GSX2: variants seen among roughly 807,000 people sequenced by gnomAD.
The protein encoded by GSX2 is GS homeobox 2, also known as genetic-screened homeobox 2.
A neutral mutation model predicts 19.2 loss-of-function variants in GSX2; 16 were observed. The observed-to-expected ratio is 0.84, with a 90% CI of 0.57 to 1.27. The LOEUF is 1.27. GSX2 is among the 50% of genes most tolerant of loss of function. The probability of loss-of-function intolerance (pLI) is 0.00; values close to 1 mark genes in which losing one functional copy is unlikely to be tolerated. For synonymous variants in GSX2, 217 were observed against 196.4 expected (o/e 1.10, Z -0.88); for missense variants, 448 against 428.4 (o/e 1.05, Z -0.40).
Position 54,100,251 on chromosome 4 carries a change from C to G in GSX2, c.-94C>G. ...CTGCGTCCCCAAGGGCTTGACTGCCCGTGTCTGCGCGGCTCCCAGGGCAGA... is the reference window on the plus strand; with the variant it reads ...CTGCGTCCCCAAGGGCTTGACTGCCGGTGTCTGCGCGGCTCCCAGGGCAGA... On this transcript the variant is annotated 5_prime_UTR_variant, in exon 1 of 2. Coordinates refer to ENST00000326902, the MANE Select transcript of GSX2 (RefSeq NM_133267.3). The G allele has an allele frequency of 3.2e-6, 5 of 1,542,472 alleles. No individual in the cohort carries two copies. Among genetic ancestry groups the G allele is most frequent in the African/African-American group, 1.4e-5 (1 of 73,332 alleles).
rs530131785 is a variant in GSX2 at position 54,101,494 on chromosome 4, G to T, written c.575-88G>T. ...ATGTTCGGCTGGGCTTCCCCGGGTGGGTCCCTGAAATGCGTCCTGGTTAGC... is the reference window on the plus strand; with the variant it reads ...ATGTTCGGCTGGGCTTCCCCGGGTGTGTCCCTGAAATGCGTCCTGGTTAGC... On this transcript the variant is annotated intron_variant, in intron 1 of 1. Coordinates refer to ENST00000326902, the MANE Select transcript of GSX2 (RefSeq NM_133267.3). This position sits in a 1 kb window ranked among gnomAD's most constrained non-coding sequence, Gnocchi z 5.0. 5.0e-6 allele frequency: 4 copies of T among 804,908 alleles called. No individual in the cohort carries two copies. In the South Asian group the frequency reaches 5.1e-5, roughly 10 times the overall value. 49.9% of individuals were successfully genotyped at this position (804,908 alleles called of 1,614,324 possible). A position where few individuals can be genotyped will look rare whatever the true frequency, so the allele number is the denominator to read the frequency against.
Position 54,100,888 on chromosome 4 carries a change from G to A in GSX2, c.544G>A (p.Asp182Asn), listed in dbSNP as rs1181905768. The change falls in exon 1 of 2, where the codon GAC becomes AAC. Residue 182 changes from aspartate (D) to asparagine (N), a missense_variant. By Grantham distance (23) the Asp-to-Asn change is conservative. Transcript: ENST00000326902. Reference sequence around the variant, plus strand: ...CACCGCCACCACCTACAACGTGGCGGACCCGCGGAGATTCCACTGCCTCAC... The same window carrying A: ...CACCGCCACCACCTACAACGTGGCGAACCCGCGGAGATTCCACTGCCTCAC... ...VCTATTYNVA[D>N]PRRFHCLTMG... is the part of the protein sequence containing the mutation. The A allele has an allele frequency of 6.4e-7, 1 of 1,572,770 alleles. No individual in the cohort carries two copies. The highest frequency in any genetic ancestry group is 8.6e-7 in the Non-Finnish European group (1 of 1,167,130).
chr4:54,100,558 T>A lies in GSX2; in HGVS notation c.214T>A (p.Ser72Thr), dbSNP rs768017023. 8.1e-6 allele frequency: 13 copies of A among 1,600,212 alleles called. No homozygotes were observed. In the East Asian group the frequency reaches 1.4e-4, roughly 17 times the overall value. ...CTGCGTCACTTCGCACCTGCACTCC[T>A]CTCGGGGGTCTGTGGGCGCCGGCAG... ...PLCVTSHLHS[S>T]RGSVGAGSGG... The change falls in exon 1 of 2, where the codon TCT becomes ACT. Residue 72 changes from serine to threonine, a missense_variant. Transcript: ENST00000326902.
rs1489040634 is a variant in GSX2, at chr4:54,101,709, A to G, written c.702A>G (p.Glu234=). Residue 234 remains glutamate (E), a synonymous_variant, in exon 2 of 2, where the codon GAA becomes GAG. Transcript: ENST00000326902. The surrounding 1 kb of genome is among the most constrained non-coding windows in gnomAD (Gnocchi z 5.0). ...NMYLSRLRRI[E]IATYLNLSEK... ...ACCTGTCTCGACTCCGGAGGATTGA[A>G]ATCGCCACTTACCTGAACCTGTCGG... The G allele has an allele frequency of 6.2e-6, 10 of 1,614,088 alleles. No homozygotes were observed. Among genetic ancestry groups the G allele is most frequent in the Non-Finnish European group, 8.5e-6 (10 of 1,180,038 alleles).
chr4:54,100,259 C>A lies in GSX2; in HGVS notation c.-86C>A. ...CCAAGGGCTTGACTGCCCGTGTCTGCGCGGCTCCCAGGGCAGAGCTTAGAA... is the reference window on the plus strand; with the variant it reads ...CCAAGGGCTTGACTGCCCGTGTCTGAGCGGCTCCCAGGGCAGAGCTTAGAA... On this transcript the variant is annotated 5_prime_UTR_variant, in exon 1 of 2. Coordinates refer to ENST00000326902, the MANE Select transcript of GSX2 (RefSeq NM_133267.3). The A allele has an allele frequency of 6.4e-7, 1 of 1,556,586 alleles. No homozygotes were observed. The highest frequency in any genetic ancestry group is 8.6e-7 in the Non-Finnish European group (1 of 1,156,712).
Position 54,102,071 on chromosome 4 carries a change from A to G in GSX2, c.*149A>G. 3.0e-6 allele frequency: 2 copies of G among 659,702 alleles called. No individual in the cohort carries two copies. Among genetic ancestry groups the G allele is most frequent in the Non-Finnish European group, 5.1e-6 (2 of 389,660 alleles). 40.9% of individuals were successfully genotyped at this position (659,702 alleles called of 1,614,324 possible). A position where few individuals can be genotyped will look rare whatever the true frequency, so the allele number is the denominator to read the frequency against. ...GAAGTTCTGGAATGGACAAGCCGGG[A>G]CCTGACCCTTCGCGTCTCCTTCTTG... On this transcript the variant is annotated 3_prime_UTR_variant, in exon 2 of 2. Coordinates refer to ENST00000326902, the MANE Select transcript of GSX2 (RefSeq NM_133267.3).
At position 54,101,437 on chromosome 4, in the gene GSX2, A is replaced by G; in HGVS notation, c.575-145A>G. ...CGTCTCTTTTCTTCCCCGCTAAGCA[A>G]CCACGTGCCTTGAAATGGGAAAGGG... On this transcript the variant is annotated intron_variant, in intron 1 of 1. Coordinates refer to ENST00000326902, the MANE Select transcript of GSX2 (RefSeq NM_133267.3). This position sits in a 1 kb window ranked among gnomAD's most constrained non-coding sequence, Gnocchi z 5.0. 1.6e-6 allele frequency: 1 copy of G among 616,188 alleles called. No homozygotes were observed. The highest frequency in any genetic ancestry group is 2.9e-6 in the Non-Finnish European group (1 of 343,670). The allele number at this position is 616,188 out of a possible 1,614,324, so 38.2% of individuals were successfully genotyped here.
In GSX2 at chr4:54,100,606, A is replaced by G. The variant is rs1312329056; in HGVS notation, c.262A>G (p.Thr88Ala). 4.5e-6 allele frequency: 7 copies of G among 1,558,078 alleles called. No homozygotes were observed. ...CAGCGGGGGCGCAGGGGCCGGGGTT[A>G]CCGGGGCCGGAGGCAGTGGGGTGGC... ...AGSGGAGAGV[T>A]GAGGSGVAGA... Residue 88 changes from threonine (T) to alanine (A), a missense_variant, in exon 1 of 2, where the codon ACC becomes GCC. Coordinates refer to ENST00000326902, the MANE Select transcript of GSX2 (RefSeq NM_133267.3).
chr4:54,100,239 GGCTT>G lies in GSX2; in HGVS notation c.-104_-101del. 1 of 1,516,060 alleles carries G rather than the reference GGCTT, an allele frequency of 6.6e-7. No homozygotes were observed. Among genetic ancestry groups the G allele is most frequent in the Non-Finnish European group, 8.9e-7 (1 of 1,129,586 alleles). The allele number at this position is 1,516,060 out of a possible 1,614,324, so 93.9% of individuals were successfully genotyped here. ...ACGCCAACACCTCTGCGTCCCCAAGGGCTTGACTGCCCGTGTCTGCGCGGCTCCC... is the reference window on the plus strand; with the variant it reads ...ACGCCAACACCTCTGCGTCCCCAAGGGACTGCCCGTGTCTGCGCGGCTCCC... On this transcript the variant is annotated 5_prime_UTR_variant, in exon 1 of 2. Transcript: ENST00000326902.
In GSX2 at chr4:54,100,752, T is replaced by C. The variant is rs1132998; in HGVS notation, c.408T>C (p.His136=). Residue 136 remains histidine, a synonymous_variant, in exon 1 of 2, where the codon CAT becomes CAC. Transcript: ENST00000326902. The stretch of plus-strand genomic sequence containing the variant: ...ACCACCACCCGCCGCAGCACCACCA[T>C]CACCATCATCAGCCCCAGCAGCCTG... The part of the protein sequence containing the change: ...HHHHHPPQHH[H]HHHQPQQPGS... 0.62 allele frequency: 949,455 copies of C among 1,542,290 alleles called. 297,211 individuals are homozygous for C. Among genetic ancestry groups the C allele is most frequent in the East Asian group, 0.83 (32,820 of 39,754 alleles).
chr4:54,100,852 G>C lies in GSX2; in HGVS notation c.508G>C (p.Ala170Pro). 1.9e-6 allele frequency: 3 copies of C among 1,551,800 alleles called. No individual in the cohort carries two copies. Among genetic ancestry groups the C allele is most frequent in the Non-Finnish European group, 1.7e-6 (2 of 1,156,730 alleles). The change falls in exon 1 of 2, where the codon GCA (alanine) becomes CCA (proline). Residue 170 changes from alanine to proline, a missense_variant. Coordinates refer to ENST00000326902, the MANE Select transcript of GSX2 (RefSeq NM_133267.3). ...AAALGHPQHH[A>P]PVCTATTYNV... ...GGCCTTGGGGCACCCGCAGCACCACGCACCTGTCTGCACCGCCACCACCTA... is the reference window on the plus strand; with the variant it reads ...GGCCTTGGGGCACCCGCAGCACCACCCACCTGTCTGCACCGCCACCACCTA...
At position 54,100,489 on chromosome 4, in the gene GSX2, G is replaced by C; in HGVS notation, c.145G>C (p.Gly49Arg). 6.2e-7 allele frequency: 1 copy of C among 1,613,678 alleles called. No individual in the cohort carries two copies. Among genetic ancestry groups the C allele is most frequent in the South Asian group, 1.1e-5 (1 of 91,054 alleles). The change falls in exon 1 of 2, where the codon GGC becomes CGC. Residue 49 changes from glycine to arginine, a missense_variant. Coordinates refer to ENST00000326902, the MANE Select transcript of GSX2 (RefSeq NM_133267.3). ...ATTGGTGATGTCCGTGTCCGGCCCC[G>C]GCTGCCCGTCCCGCAAGAGCGGCGC... The part of the protein sequence containing the change: ...PPLVMSVSGP[G>R]CPSRKSGAFC...
Position 54,101,945 on chromosome 4 carries a change from C to T in GSX2, c.*23C>T, listed in dbSNP as rs988624105. On this transcript the variant is annotated 3_prime_UTR_variant, in exon 2 of 2. Coordinates refer to ENST00000326902, the MANE Select transcript of GSX2 (RefSeq NM_133267.3). This position sits in a 1 kb window ranked among gnomAD's most constrained non-coding sequence, Gnocchi z 5.0. Reference sequence around the variant, plus strand: ...TGAGGGAGGGCCTCCTCCCTCACATCCCCCGCTCCTGGCAGACCAGGCAAC... The same window carrying T: ...TGAGGGAGGGCCTCCTCCCTCACATTCCCCGCTCCTGGCAGACCAGGCAAC... The T allele has an allele frequency of 5.2e-6, 8 of 1,529,826 alleles. No individual in the cohort carries two copies. The highest frequency in any genetic ancestry group is 2.3e-5 in the East Asian group (1 of 42,618). 94.8% of individuals were successfully genotyped at this position (1,529,826 alleles called of 1,614,324 possible). A position where few individuals can be genotyped will look rare whatever the true frequency, so the allele number is the denominator to read the frequency against.
In GSX2 at chr4:54,100,565, G is replaced by T. The variant is rs754099416; in HGVS notation, c.221G>T (p.Gly74Val). The T allele has an allele frequency of 6.3e-7, 1 of 1,596,762 alleles. No homozygotes were observed. The highest frequency in any genetic ancestry group is 8.5e-7 in the Non-Finnish European group (1 of 1,173,348). The change falls in exon 1 of 2, where the codon GGG (glycine) becomes GTG (valine). Residue 74 changes from glycine to valine, a missense_variant. Transcript: ENST00000326902. The stretch of plus-strand genomic sequence containing the variant: ...ACTTCGCACCTGCACTCCTCTCGGG[G>T]GTCTGTGGGCGCCGGCAGCGGGGGC... ...CVTSHLHSSR[G>V]SVGAGSGGAG...
At position 54,100,703 on chromosome 4, in the gene GSX2, C is replaced by T. The variant is rs1333594747; in HGVS notation, c.359C>T (p.Pro120Leu). ...GCTCCTGGGGACGCGCAGTTTTGCC[C>T]GCGGGTGAACCATGCGCATCATCAC... is the stretch of plus-strand genomic sequence containing the variant. ...SSAPGDAQFC[P>L]RVNHAHHHHH... Residue 120 changes from proline to leucine, a missense_variant, in exon 1 of 2, where the codon CCG (proline) becomes CTG (leucine). Physicochemically the swap from Pro to Leu is moderately conservative, Grantham distance 98. Coordinates refer to ENST00000326902, the MANE Select transcript of GSX2 (RefSeq NM_133267.3). The T allele has an allele frequency of 1.3e-6, 2 of 1,548,986 alleles. No homozygotes were observed. Among genetic ancestry groups the T allele is most frequent in the South Asian group, 1.2e-5 (1 of 84,010 alleles).
rs1232895722 is a variant in GSX2, at chr4:54,100,431, G to T, written c.87G>T (p.Pro29=). 2 of 1,614,012 alleles carry T rather than the reference G, an allele frequency of 1.2e-6. No individual in the cohort carries two copies. Among genetic ancestry groups the T allele is most frequent in the East Asian group, 4.5e-5 (2 of 44,852 alleles). ...CGCTGCCTGAACCGCACCCCGGGCC[G>T]GATTTCTTCATCCCGCTTGGCATGC... is the stretch of plus-strand genomic sequence containing the variant. ...APSLPEPHPG[P]DFFIPLGMPP... The change falls in exon 1 of 2, where the codon CCG becomes CCT. Residue 29 remains proline, a synonymous_variant. Coordinates refer to ENST00000326902, the MANE Select transcript of GSX2 (RefSeq NM_133267.3).
Position 54,101,851 on chromosome 4 carries a change from G to C in GSX2, c.844G>C (p.Ala282Pro), listed in dbSNP as rs140212063. 2 of 1,614,150 alleles carry C rather than the reference G, an allele frequency of 1.2e-6. No homozygotes were observed. Among genetic ancestry groups the C allele is most frequent in the East Asian group, 2.2e-5 (1 of 44,868 alleles). The change falls in exon 2 of 2, where the codon GCG becomes CCG. Residue 282 changes from alanine (A) to proline (P), a missense_variant. Transcript: ENST00000326902. This position sits in a 1 kb window ranked among gnomAD's most constrained non-coding sequence, Gnocchi z 5.0. ...CKCVGSQVHY[A>P]RSEDEDSLSP... is the part of the protein sequence containing the mutation. ...GTGCGTCGGGAGCCAGGTGCACTAC[G>C]CGCGCTCCGAGGATGAGGACTCCCT...
In GSX2 at chr4:54,100,188, C is replaced by T; in HGVS notation, c.-157C>T. The T allele has an allele frequency of 1.8e-6, 2 of 1,103,748 alleles. No individual in the cohort carries two copies. Among genetic ancestry groups the T allele is most frequent in the South Asian group, 1.6e-5 (1 of 63,244 alleles). The allele number at this position is 1,103,748 out of a possible 1,614,324, so 68.4% of individuals were successfully genotyped here. On this transcript the variant is annotated 5_prime_UTR_variant, in exon 1 of 2. Coordinates refer to ENST00000326902, the MANE Select transcript of GSX2 (RefSeq NM_133267.3). ...GGGGGACGTGAGGACCAGCCCTCTC[C>T]GGGGACCCCTTTGTTCCCAGCCCAG...
rs751324689 is a variant in GSX2, at chr4:54,100,806, A to AGCG, written c.474_476dup (p.Ala162dup). 1.5e-4 allele frequency: 215 copies of AGCG among 1,453,124 alleles called. 1 individual carries two copies. The highest frequency in any genetic ancestry group is 1.9e-4 in the Non-Finnish European group (210 of 1,111,104). The allele number at this position is 1,453,124 out of a possible 1,614,324, so 90.0% of individuals were successfully genotyped here. On this transcript the variant is annotated inframe_insertion, in exon 1 of 2. Transcript: ENST00000326902. ...CGGCCGCGGCGGCGGCAGCAGCAGC[A>AGCG]GCGGCGGCGGCGGCCGCGGCGGCCT...
Sources: gnomAD v4.1 joint callset for allele counts on GRCh38, gnomAD v4.1.1 for gene constraint, Gnocchi (gnomAD v3.1) non-coding constraint, MANE v1.5 for transcripts, NCBI Gene and HGNC (gene_info 2026-07-23, HGNC 2026-07-21) for gene names.